AUTS2: variants seen among roughly 807,000 people sequenced by gnomAD.
AUTS2 encodes the protein activator of transcription and developmental regulator AUTS2, also known as autism susceptibility gene 2 protein.
Under a neutral mutation model 112.4 loss-of-function variants are expected in AUTS2, and 17 were observed. The observed-to-expected ratio is 0.15, with a 90% CI of 0.10 to 0.23. The LOEUF is 0.23. AUTS2 is among the 10% of genes least tolerant of loss of function. AUTS2 has a pLI of 1.00. For synonymous variants in AUTS2, 751 were observed against 702.7 expected, an observed-to-expected ratio of 1.07 and a Z score of -1.09; for missense variants, 1,510 against 1,701.6, an observed-to-expected ratio of 0.89 and a Z score of 1.98.
At chr7:70,109,242 C>G (rs1268756910) in intron 2 of AUTS2, among the ~76,000 whole-genome samples, 1 of 152,074 alleles carries the variant, frequency 6.6e-6, no homozygotes, top group Non-Finnish European at 1.5e-5. Context: ...ATAATATTGT[C>G]TCTAAATTAC....
intron 5 of AUTS2, among the ~76,000 whole-genome samples, chr7:70,620,021 T>G (rs1416629758): frequency 6.6e-6 from 1 of 152,084 alleles, no homozygotes; most frequent in African/African-American, 2.4e-5. Context: ...CCTGCCACCC[T>G]CCCTGTACCG....
At chr7:70,218,423 T>C (rs767519417) in intron 4 of AUTS2, among the ~76,000 whole-genome samples, 5 of 152,016 alleles carry the variant, frequency 3.3e-5, no homozygotes, top group Non-Finnish European at 7.4e-5. Flanking sequence ...ATAATATGAG[T>C]ATCTAATATG....
chr7:70,566,968 T>C (rs1801735709), intron 5 of AUTS2, among the ~76,000 whole-genome samples: 1 of 152,244 alleles, frequency 6.6e-6, no homozygotes, highest in Non-Finnish European at 1.5e-5. Flanking sequence ...AGGCCTCTCA[T>C]GCATGATTTA....
intron 5 of AUTS2, among the ~76,000 whole-genome samples, chr7:70,611,794 A>C (rs772800017): frequency 6.6e-6 from 1 of 152,220 alleles, no homozygotes; most frequent in Non-Finnish European, 1.5e-5. Context: ...TTATACTCAC[A>C]TTTACCAAAA....
At chr7:69,803,974 G>T (rs6460529) in intron 1 of AUTS2, among the ~76,000 whole-genome samples, 1 of 152,164 alleles carries the variant, frequency 6.6e-6, no homozygotes, top group Non-Finnish European at 1.5e-5. Context: ...TGCGGCTGCA[G>T]TGATCATTGT....
chr7:69,722,010 G>A (rs1350132048), intron 1 of AUTS2, among the ~76,000 whole-genome samples: 2 of 144,216 alleles, frequency 1.4e-5, no homozygotes. Context: ...TTGGGAAGCA[G>A]GGAAGTAGCA....
intron 5 of AUTS2, among the ~76,000 whole-genome samples, chr7:70,480,951 C>T (rs533246132): frequency 3.9e-5 from 6 of 152,192 alleles, no homozygotes; most frequent in South Asian, 4.2e-4. Context: ...AGGAAAGATA[C>T]GGAGGTGAGC....
intron 2 of AUTS2, among the ~76,000 whole-genome samples, chr7:70,020,622 C>A (rs1800227188): frequency 6.6e-6 from 1 of 152,120 alleles, no homozygotes; most frequent in Admixed American, 6.6e-5. Context: ...CACTCACCAC[C>A]CTCAAATTTC....
intron 2 of AUTS2, among the ~76,000 whole-genome samples, chr7:69,968,714 A>T (rs932757111): frequency 6.6e-6 from 1 of 152,154 alleles, no homozygotes; most frequent in African/African-American, 2.4e-5. Context: ...TGGAACTGTG[A>T]TGTGGCAAGA....
intron 4 of AUTS2, among the ~76,000 whole-genome samples, chr7:70,262,571 G>C (rs1787222565): frequency 6.6e-6 from 1 of 152,154 alleles, no homozygotes; most frequent in African/African-American, 2.4e-5. Context: ...AAGTATGGCT[G>C]AATCTTCAAA....
intron 1 of AUTS2, among the ~76,000 whole-genome samples, chr7:69,636,974 C>G (rs1794575213): frequency 6.6e-6 from 1 of 152,012 alleles, no homozygotes; most frequent in South Asian, 2.1e-4. Flanking sequence ...ACCGTGTTAG[C>G]CAGGATGGTC....
At chr7:70,600,784 A>G (rs1803436720) in intron 5 of AUTS2, among the ~76,000 whole-genome samples, 1 of 152,190 alleles carries the variant, frequency 6.6e-6, no homozygotes, top group South Asian at 2.1e-4. Context: ...AACTTGAGTA[A>G]TGCAGTATGT....
chr7:70,554,541 A>G (rs1801167000), intron 5 of AUTS2, among the ~76,000 whole-genome samples: 1 of 151,840 alleles, frequency 6.6e-6, no homozygotes, highest in African/African-American at 2.4e-5. Context: ...ATACCCTGCC[A>G]TCCAGGGGAA....
intron 2 of AUTS2, among the ~76,000 whole-genome samples, chr7:70,027,615 T>C (rs1443284589): frequency 6.6e-6 from 1 of 152,236 alleles, no homozygotes; most frequent in Non-Finnish European, 1.5e-5. Flanking sequence ...AACATTGTAC[T>C]GGTTTCATGG....
chr7:70,207,526 C>T (rs897158236), intron 4 of AUTS2, among the ~76,000 whole-genome samples: 3 of 152,140 alleles, frequency 2.0e-5, no homozygotes, highest in Non-Finnish European at 4.4e-5. Flanking sequence ...AGAATCAGAC[C>T]ATTGAGGATT....
intron 2 of AUTS2, among the ~76,000 whole-genome samples, chr7:70,011,361 T>C (rs183171557): frequency 1.1e-4 from 15 of 132,984 alleles, no homozygotes; most frequent in African/African-American, 4.4e-4. Context: ...TCTCCTCTCC[T>C]CTCCCTCATT....
chr7:69,633,169 A>G (rs952191160), intron 1 of AUTS2, among the ~76,000 whole-genome samples: 2 of 152,128 alleles, frequency 1.3e-5, no homozygotes, highest in African/African-American at 2.4e-5. Context: ...GATTCCATAT[A>G]TAAGTGAGAT....
chr7:69,939,531 T>C (rs1796542887), intron 2 of AUTS2, among the ~76,000 whole-genome samples: 1 of 152,184 alleles, frequency 6.6e-6, no homozygotes, highest in Admixed American at 6.5e-5. Context: ...CATGAAACAC[T>C]ATCTGTGTGA....
At chr7:70,364,616 A>AAAAT (rs1792480058) in intron 4 of AUTS2, among the ~76,000 whole-genome samples, 1 of 142,128 alleles carries the variant, frequency 7.0e-6, no homozygotes, top group Admixed American at 7.1e-5. Flanking sequence ...TAAATAAATA[A>AAAAT]AAATTAAAAA....
Sources: allele counts gnomAD v4.1 joint callset (sites outside exome capture counted in the v4.1 genomes callset), GRCh38; gene constraint gnomAD v4.1.1; transcripts MANE v1.5; gene names NCBI Gene and HGNC (gene_info 2026-07-23, HGNC 2026-07-21).